The following EPB41L2 variants were observed in gnomAD, a reference collection of about 807,000 sequenced individuals.
EPB41L2 encodes the protein band 4.1-like protein 2.
A neutral mutation model predicts 113.0 loss-of-function variants in EPB41L2; 43 were observed. That is an observed-to-expected ratio of 0.38 (90% CI 0.30 to 0.49). EPB41L2 has a LOEUF of 0.49. Ranked by LOEUF, EPB41L2 falls within the 20% of genes least tolerant of loss-of-function variation. The probability of loss-of-function intolerance (pLI) is 0.95; values close to 1 mark genes in which losing one functional copy is unlikely to be tolerated. For missense variants in EPB41L2, 1,147 were observed against 1,223.4 expected, an observed-to-expected ratio of 0.94 and a Z score of 0.93; for synonymous variants, 442 against 436.7, an observed-to-expected ratio of 1.01 and a Z score of -0.15.
chr6:130,975,362 G>C (rs1410210976), intron 1 of EPB41L2, among the ~76,000 whole-genome samples: 2 of 152,202 alleles, frequency 1.3e-5, no homozygotes, highest in African/African-American at 4.8e-5. Context: ...CCCTACATTT[G>C]TGTATGTGAG....
chr6:131,058,350 A>T (rs1797998846), intron 1 of EPB41L2, among the ~76,000 whole-genome samples: 1 of 152,156 alleles, frequency 6.6e-6, no homozygotes, highest in Non-Finnish European at 1.5e-5. Flanking sequence ...TCCCAACACC[A>T]TGGAAATATA....
At chr6:131,002,764 A>C (rs1323232032) in intron 1 of EPB41L2, among the ~76,000 whole-genome samples, 1 of 152,216 alleles carries the variant, frequency 6.6e-6, no homozygotes. Flanking sequence ...CAGCCACATC[A>C]TAATGGTTTT....
chr6:130,994,858 T>C (rs1025006004), intron 1 of EPB41L2, among the ~76,000 whole-genome samples: 12 of 152,232 alleles, frequency 7.9e-5, no homozygotes, highest in African/African-American at 2.6e-4. Flanking sequence ...ATTGCCTCCT[T>C]TGGAGAGGCT....
intron 1 of EPB41L2, among the ~76,000 whole-genome samples, chr6:131,041,807 T>C (rs1334811191): frequency 6.6e-6 from 1 of 152,302 alleles, no homozygotes; most frequent in Non-Finnish European, 1.5e-5. Flanking sequence ...AAGAGACATA[T>C]AAACCAAACA....
intron 4 of EPB41L2, among the ~76,000 whole-genome samples, chr6:130,924,155 T>C (rs1468476462): frequency 1.3e-5 from 2 of 152,238 alleles, no homozygotes; most frequent in East Asian, 3.9e-4. Context: ...TGACAGGATT[T>C]CCTTCTTTCT....
intron 18 of EPB41L2, among the ~76,000 whole-genome samples, chr6:130,859,284 C>T (rs538590561): frequency 4.9e-4 from 75 of 152,148 alleles, no homozygotes; most frequent in African/African-American, 1.7e-3. Flanking sequence ...CACTTTGGGA[C>T]GCCAACGCGG....
At chr6:130,972,549 T>G (rs1351726903) in intron 1 of EPB41L2, among the ~76,000 whole-genome samples, 6 of 134,208 alleles carry the variant, frequency 4.5e-5, no homozygotes, top group South Asian at 2.4e-4. Context: ...AAATTCTGGG[T>G]TTTTTTTTTT....
At chr6:130,908,949 T>A in intron 4 of EPB41L2, 86 bp from the exon 5 acceptor site, 1 of 1,076,066 alleles carries the variant, frequency 9.3e-7, no homozygotes, top group Non-Finnish European at 1.4e-6. Flanking sequence ...TATTTAAGTG[T>A]AAACACATTT....
At chr6:131,012,703 C>A (rs1787318729) in intron 1 of EPB41L2, among the ~76,000 whole-genome samples, 1 of 151,876 alleles carries the variant, frequency 6.6e-6, no homozygotes, top group Non-Finnish European at 1.5e-5. Context: ...GCAAAGTCTG[C>A]AGCATTTAAA....
chr6:130,899,426 G>A (rs1473035123), intron 8 of EPB41L2, 65 bp downstream of exon 8: 2 of 1,293,442 alleles, frequency 1.5e-6, no homozygotes, highest in African/African-American at 1.5e-5. Flanking sequence ...TCCTGAAACT[G>A]GAGCCCTCTC....
intron 10 of EPB41L2, among the ~76,000 whole-genome samples, chr6:130,892,620 T>G (rs1010516826): frequency 6.6e-6 from 1 of 150,588 alleles, no homozygotes; most frequent in African/African-American, 2.4e-5. Context: ...ATGAGTTATA[T>G]TTCTCCTCAA....
At chr6:130,916,311 A>T (rs914099171) in intron 4 of EPB41L2, among the ~76,000 whole-genome samples, 2 of 152,196 alleles carry the variant, frequency 1.3e-5, no homozygotes, top group Non-Finnish European at 1.5e-5. Flanking sequence ...TTTGCCACAA[A>T]TCTGAGGATG....
rs1816373036 is a variant in EPB41L2, at chr6:130,954,040, C to CTTTCTTT, written c.705+1064_705+1065insAAAGAAA. Among the ~76,000 whole-genome samples, 17 of 58,860 alleles carry CTTTCTTT rather than the reference C, an allele frequency of 2.9e-4. 2 individuals carry two copies. Among genetic ancestry groups the CTTTCTTT allele is most frequent in the South Asian group, 1.8e-3 (2 of 1,082 alleles). The allele number at this position is 58,860 out of a possible 152,430, so 38.6% of individuals were successfully genotyped here. On this transcript the variant is annotated intron_variant, in intron 3 of 19. Coordinates refer to ENST00000337057, the MANE Select transcript of EPB41L2 (RefSeq NM_001431.4). ...TCCTCTTTTGCTAGTCCTTTTCTTT[C>CTTTCTTT]TTTTTTTTTTTTTTTTTTTTTTTTT...
Position 130,878,120 on chromosome 6 carries a change from G to C in EPB41L2, c.2027C>G (p.Ser676Cys). The C allele has an allele frequency of 1.2e-6, 2 of 1,612,778 alleles. No homozygotes were observed. The highest frequency in any genetic ancestry group is 8.5e-7 in the Non-Finnish European group (1 of 1,179,554). Residue 676 changes from serine to cysteine, a missense_variant, in exon 14 of 20, where the codon TCC becomes TGC. Transcript: ENST00000337057. ...ATGACATACCCCTTGTGTCTGTAGG[G>C]ACAGAGGTGTGATACGTCGTTTTTC... ...EWEKRRITPL[S>C]LQTQGSSHET... is the part of the protein sequence containing the mutation.
rs540321777 is a variant in EPB41L2, at chr6:131,023,715, G to A, written c.-15+39440C>T. On this transcript the variant is annotated intron_variant, in intron 1 of 19. Coordinates refer to ENST00000337057, the MANE Select transcript of EPB41L2 (RefSeq NM_001431.4). ...CAGAAGAAGAAAAAAAAATGTGTGC[G>A]TGTGTGTGTGTGTGTATATATATCT... Among the ~76,000 whole-genome samples the A allele has an allele frequency of 6.5e-4, 41 of 63,426 alleles. 1 individual carries two copies. The highest frequency in any genetic ancestry group is 1.5e-3 in the African/African-American group (27 of 18,552). The allele number at this position is 63,426 out of a possible 152,430, so 41.6% of individuals were successfully genotyped here.
At chr6:131,007,260 A>C (rs1325126616) in intron 1 of EPB41L2, among the ~76,000 whole-genome samples, 6 of 152,156 alleles carry the variant, frequency 3.9e-5, no homozygotes, top group African/African-American at 1.4e-4. Flanking sequence ...TTGTAGTTTT[A>C]TAAGGGGCTT....
At chr6:130,946,219 T>C (rs1034004530) in intron 3 of EPB41L2, among the ~76,000 whole-genome samples, 1 of 152,214 alleles carries the variant, frequency 6.6e-6, no homozygotes, top group Admixed American at 6.5e-5. Context: ...AAAGAGAGCC[T>C]AGGCCTCAGG....
chr6:130,865,754 T>C (rs1783548564), intron 16 of EPB41L2, 120 bp from the exon 17 acceptor site: 1 of 997,012 alleles, frequency 1.0e-6, no homozygotes, highest in Admixed American at 2.2e-5. Flanking sequence ...GTGTTTGCAG[T>C]AGTAATTACC....
At chr6:131,040,120 C>T (rs1562783703) in intron 1 of EPB41L2, among the ~76,000 whole-genome samples, 1 of 152,168 alleles carries the variant, frequency 6.6e-6, no homozygotes, top group African/African-American at 2.4e-5. Context: ...GGGTTTACCC[C>T]TACTAAACTA....
Sources: gnomAD v4.1 joint callset for allele counts (sites outside exome capture counted in the v4.1 genomes callset) on GRCh38, gnomAD v4.1.1 for gene constraint, MANE v1.5 for transcripts, NCBI Gene and HGNC (gene_info 2026-07-23, HGNC 2026-07-21) for gene names.